ARHGEF6: variants seen among roughly 807,000 people sequenced by gnomAD.
The protein encoded by ARHGEF6 is rho guanine nucleotide exchange factor 6.
In ARHGEF6, 9 loss-of-function variants were observed where a neutral mutation model predicts 70.3. The ratio of observed to expected loss-of-function variants is 0.13; its 90% CI spans 0.08 to 0.22. The LOEUF is 0.22. ARHGEF6 is among the 10% of genes least tolerant of loss of function. The pLI, the probability that ARHGEF6 is intolerant of heterozygous loss-of-function variation, is 1.00. For synonymous variants in ARHGEF6, 201 were observed against 207.8 expected (o/e 0.97, Z 0.28); for missense variants, 470 against 563.0 (o/e 0.83, Z 1.67).
chrX:136,727,414 T>TC (rs1491488963), intron 6 of ARHGEF6, among the ~76,000 whole-genome samples: 3,132 of 85,803 alleles, frequency 0.037, 110 homozygotes, highest in East Asian at 0.14. Context: ...TCTCTCTCTC[T>TC]TTCTTTCTTT....
intron 2 of ARHGEF6, among the ~76,000 whole-genome samples, chrX:136,773,776 C>T (rs2077380570): frequency 8.9e-6 from 1 of 111,780 alleles, no homozygotes; most frequent in Admixed American, 9.5e-5. Flanking sequence ...GTAACTGTCC[C>T]AGAGTTATGC....
chrX:136,763,740 G>A (rs978463877), intron 2 of ARHGEF6, among the ~76,000 whole-genome samples: 2 of 111,543 alleles, frequency 1.8e-5, no homozygotes, highest in African/African-American at 3.3e-5. Flanking sequence ...CAAGAGAATC[G>A]CTTGTACCTA....
intron 7 of ARHGEF6, among the ~76,000 whole-genome samples, chrX:136,712,399 GC>G (rs1408984408): frequency 8.9e-6 from 1 of 112,407 alleles, no homozygotes; most frequent in Non-Finnish European, 1.9e-5. Flanking sequence ...AGGCTTTTCA[GC>G]CATCACACCC....
rs1306168615 is a variant in ARHGEF6, at chrX:136,745,293, G to A, written c.389C>T (p.Thr130Ile). 3 of 1,209,412 alleles carry A rather than the reference G, an allele frequency of 2.5e-6. No individual in the cohort carries two copies. The highest frequency in any genetic ancestry group is 3.4e-6 in the Non-Finnish European group (3 of 894,500). ...GRSSSLSAANTSQTNPQGAVS... is the reference protein window; with the variant it reads ...GRSSSLSAANISQTNPQGAVS... ...TGCTCCCTGTGGGTTTGTCTGAGAA[G>A]TATTAGCAGCACTAAGAGAAGAGGA... The change falls in exon 4 of 22, where the codon ACT becomes ATT. Residue 130 changes from threonine (T) to isoleucine (I), a missense_variant. Thr to Ile is a moderately conservative substitution (Grantham distance 89). Around this residue, in one of 3 missense-constraint regions of ARHGEF6, gnomAD observed 379 missense variants for 449.3 expected, o/e 0.84. Coordinates refer to ENST00000250617, the MANE Select transcript of ARHGEF6 (RefSeq NM_004840.3).
intron 2 of ARHGEF6, among the ~76,000 whole-genome samples, chrX:136,775,916 A>C (rs771137691): frequency 1.8e-5 from 2 of 111,779 alleles, no homozygotes; most frequent in South Asian, 3.7e-4. Flanking sequence ...TGAGAATCAA[A>C]TCAAGAACTC....
intron 7 of ARHGEF6, among the ~76,000 whole-genome samples, chrX:136,711,368 T>C (rs950892035): frequency 9.0e-6 from 1 of 110,922 alleles, no homozygotes; most frequent in African/African-American, 3.3e-5. Flanking sequence ...AGCCTGGCCA[T>C]GTACTGGCTG....
chrX:136,758,381 T>C (rs2077233133), intron 2 of ARHGEF6, among the ~76,000 whole-genome samples: 1 of 110,418 alleles, frequency 9.1e-6, no homozygotes, highest in South Asian at 3.8e-4. Flanking sequence ...TTTAAGAATA[T>C]GATTTTAAAA....
At chrX:136,668,533 C>CTTCTTCTTCTTATTATTA (rs61661248) in intron 21 of ARHGEF6, among the ~76,000 whole-genome samples, 9 of 98,462 alleles carry the variant, frequency 9.1e-5, no homozygotes, top group African/African-American at 3.4e-4. Flanking sequence ...TCTTCTTCTT[C>CTTCTTCTTCTTATTATTA]TTATTATTAT....
At position 136,667,840 on chromosome X, in the gene ARHGEF6, G is replaced by A. The variant is rs1375482670; in HGVS notation, c.*189C>T. Reference sequence around the variant, plus strand: ...AACCAATAACCAAACAACAGCAAATGCCCAAGCGCGCACGTGCACGCACAC... The same window carrying A: ...AACCAATAACCAAACAACAGCAAATACCCAAGCGCGCACGTGCACGCACAC... On this transcript the variant is annotated 3_prime_UTR_variant, in exon 22 of 22. Coordinates refer to ENST00000250617, the MANE Select transcript of ARHGEF6 (RefSeq NM_004840.3). The A allele has an allele frequency of 9.6e-6, 5 of 518,741 alleles. No individual in the cohort carries two copies. In the Admixed American group the frequency reaches 1.8e-4, roughly 19 times the overall value. The allele number at this position is 518,741 out of a possible 1,213,427, so 42.8% of individuals were successfully genotyped here.
At chrX:136,669,263 T>C (rs191717277) in intron 21 of ARHGEF6, among the ~76,000 whole-genome samples, 1 of 112,211 alleles carries the variant, frequency 8.9e-6, no homozygotes, top group African/African-American at 3.2e-5. Context: ...ACTTTGGGAC[T>C]CTATTGTGAA....
At chrX:136,756,317 T>C (rs151091360) in intron 2 of ARHGEF6, among the ~76,000 whole-genome samples, 2,177 of 111,633 alleles carry the variant, frequency 0.02, 49 homozygotes, top group African/African-American at 0.066. Flanking sequence ...AGTTGTGTGC[T>C]GAGTGTGGGC....
At chrX:136,708,831 T>A in intron 7 of ARHGEF6, 61 bp from the exon 8 acceptor site, 1 of 855,501 alleles carries the variant, frequency 1.2e-6, no homozygotes, top group South Asian at 2.1e-5. Context: ...AATAGTTTGC[T>A]AATATATGGT....
intron 5 of ARHGEF6, 54 bp from the exon 6 acceptor site, chrX:136,732,226 T>C: frequency 1.1e-6 from 1 of 912,490 alleles, no homozygotes; most frequent in Non-Finnish European, 1.6e-6. Context: ...ATGATGAACA[T>C]TTTATAACAT....
intron 5 of ARHGEF6, among the ~76,000 whole-genome samples, chrX:136,736,898 G>A (rs763902629): frequency 1.8e-5 from 2 of 111,389 alleles, no homozygotes; most frequent in Admixed American, 9.5e-5. Flanking sequence ...GGAAAACTAC[G>A]CACAGCACTC....
intron 16 of ARHGEF6, among the ~76,000 whole-genome samples, chrX:136,678,688 C>G (rs2076303208): frequency 8.9e-6 from 1 of 111,745 alleles, no homozygotes; most frequent in Non-Finnish European, 1.9e-5. Context: ...CTGCATCACT[C>G]ATCAAAACAC....
At position 136,747,705 on chromosome X, in the gene ARHGEF6, A is replaced by AT. The variant is rs397972473; in HGVS notation, c.250-114_250-113insA. ...TCCGGAAAAAAAAAAAAAAAAAAAA[A>AT]GTGTAGAAGCCAAGACACAAACCTC... is the stretch of plus-strand genomic sequence containing the variant. On this transcript the variant is annotated intron_variant, in intron 2 of 21. Coordinates refer to ENST00000250617, the MANE Select transcript of ARHGEF6 (RefSeq NM_004840.3). The AT allele has an allele frequency of 7.9e-6, 4 of 503,184 alleles. No homozygotes were observed. The South Asian group carries it at 1.2e-4, about 15-fold the overall frequency. 41.5% of individuals were successfully genotyped at this position (503,184 alleles called of 1,213,427 possible). A position where few individuals can be genotyped will look rare whatever the true frequency, so the allele number is the denominator to read the frequency against.
intron 12 of ARHGEF6, 52 bp downstream of exon 12, chrX:136,685,625 A>G: frequency 8.8e-7 from 1 of 1,140,708 alleles, no homozygotes; most frequent in South Asian, 1.9e-5. Context: ...AAAAAAAAGG[A>G]AGAAAAATAC....
At chrX:136,669,687 C>G in intron 20 of ARHGEF6, 151 bp from the exon 21 acceptor site, 1 of 482,237 alleles carries the variant, frequency 2.1e-6, no homozygotes, top group Non-Finnish European at 3.6e-6. Context: ...TAAATGGTTT[C>G]CATCTTCTTG....
At position 136,747,682 on chromosome X, in the gene ARHGEF6, CGG is replaced by C. The variant is rs2077108791; in HGVS notation, c.250-92_250-91del. On this transcript the variant is annotated intron_variant, in intron 2 of 21. Transcript: ENST00000250617. ...CAAAAGGCCACTTCCTCCAGCTCTC[CGG>C]AAAAAAAAAAAAAAAAAAAAAGTGT... 933 of 186,024 alleles carry C rather than the reference CGG, an allele frequency of 5.0e-3. 12 individuals carry two copies. The highest frequency in any genetic ancestry group is 0.011 in the South Asian group (89 of 8,291). The allele number at this position is 186,024 out of a possible 1,213,427, so 15.3% of individuals were successfully genotyped here. A position where few individuals can be genotyped will look rare whatever the true frequency, so the allele number is the denominator to read the frequency against.
Sources: allele counts gnomAD v4.1 joint callset (sites outside exome capture counted in the v4.1 genomes callset), GRCh38; gene constraint gnomAD v4.1.1; regional missense constraint gnomAD v4.1.1; transcripts MANE v1.5; gene names NCBI Gene and HGNC (gene_info 2026-07-23, HGNC 2026-07-21).